PLD5: variants seen among roughly 807,000 people sequenced by gnomAD.
The protein encoded by PLD5 is phospholipase D family member 5.
PLD5 carries 36 observed loss-of-function variants against 61.1 expected under a neutral mutation model. That is an observed-to-expected ratio of 0.59 (90% CI 0.45 to 0.78). PLD5 has a LOEUF of 0.78. Ranked by LOEUF, PLD5 falls within the 30% of genes least tolerant of loss-of-function variation. PLD5 has a pLI of 0.00. For missense variants in PLD5, 515 were observed against 644.4 expected, an observed-to-expected ratio of 0.80 and a Z score of 2.17; for synonymous variants, 243 against 242.8, an observed-to-expected ratio of 1.00 and a Z score of -0.01.
intron 5 of PLD5, among the ~76,000 whole-genome samples, chr1:242,212,235 A>G (rs908323496): frequency 6.6e-6 from 1 of 152,220 alleles, no homozygotes; most frequent in East Asian, 1.9e-4. Flanking sequence ...GTAGATAGGA[A>G]AAAGGACAGG....
intron 2 of PLD5, among the ~76,000 whole-genome samples, chr1:242,296,345 T>C (rs1015285348): frequency 6.6e-6 from 1 of 152,260 alleles, no homozygotes; most frequent in Non-Finnish European, 1.5e-5. Context: ...ATGCTGCTGA[T>C]TGTTTCTTTT....
intron 4 of PLD5, among the ~76,000 whole-genome samples, chr1:242,255,979 C>T (rs2917440): frequency 1.3e-5 from 2 of 152,228 alleles, no homozygotes; most frequent in Non-Finnish European, 2.9e-5. Flanking sequence ...TTTGTGGGAT[C>T]GTAACCCAAA....
At chr1:242,168,576 G>A (rs891828650) in intron 5 of PLD5, among the ~76,000 whole-genome samples, 6 of 152,010 alleles carry the variant, frequency 3.9e-5, no homozygotes, top group Non-Finnish European at 8.8e-5. Flanking sequence ...AAGGTTTTGG[G>A]GCATTCATCT....
intron 1 of PLD5, among the ~76,000 whole-genome samples, chr1:242,437,066 G>A (rs898757614): frequency 2.0e-5 from 3 of 152,114 alleles, no homozygotes; most frequent in Non-Finnish European, 4.4e-5. Flanking sequence ...ATGTGATCTC[G>A]ATTAGTCACT....
At chr1:242,416,017 A>G (rs1186031782) in intron 1 of PLD5, among the ~76,000 whole-genome samples, 1 of 152,170 alleles carries the variant, frequency 6.6e-6, no homozygotes, top group Non-Finnish European at 1.5e-5. Flanking sequence ...GTATTATTAC[A>G]CTCAGAAGAA....
rs1659364186 is a variant in PLD5 at position 242,084,403 on chromosome 1, C to A, written c.*5451G>T. The stretch of plus-strand genomic sequence containing the variant: ...TTTCAGAGATAAGACTGCCTCAAAT[C>A]CAAATTACTTTAGTAAATCAACAAA... On this transcript the variant is annotated 3_prime_UTR_variant, in exon 10 of 10. Coordinates refer to ENST00000536534, the MANE Select transcript of PLD5 (RefSeq NM_001372062.1). 1 of 152,030 alleles carries A rather than the reference C, an allele frequency of 6.6e-6. No individual in the cohort carries two copies. The highest frequency in any genetic ancestry group is 1.5e-5 in the Non-Finnish European group (1 of 68,008). 9.4% of individuals were successfully genotyped at this position (152,030 alleles called of 1,614,324 possible).
intron 1 of PLD5, among the ~76,000 whole-genome samples, chr1:242,413,285 T>C (rs1664652425): frequency 6.6e-6 from 1 of 152,166 alleles, no homozygotes. Flanking sequence ...CATATTTTTC[T>C]AACCCTTTGT....
At chr1:242,172,527 C>T (rs1268504260) in intron 5 of PLD5, among the ~76,000 whole-genome samples, 2 of 152,046 alleles carry the variant, frequency 1.3e-5, no homozygotes, top group African/African-American at 4.8e-5. Flanking sequence ...TAACTAAGAT[C>T]AGAGTAGAAG....
rs561595174 is a variant in PLD5 at position 242,130,054 on chromosome 1, C to CT, written c.736-5390dup. On this transcript the variant is annotated intron_variant, in intron 5 of 9. Transcript: ENST00000536534. ...TATCCAATCATCTGTTGATGAACAT[C>CT]TTTTTTTTTTTTTTTGAGATGGAGT... 4.0e-3 allele frequency among the ~76,000 whole-genome samples: 573 copies of CT among 143,042 alleles called. 2 individuals carry two copies. Among genetic ancestry groups the CT allele is most frequent in the Middle Eastern group, 0.034 (9 of 268 alleles). The allele number at this position is 143,042 out of a possible 152,430, so 93.8% of individuals were successfully genotyped here.
chr1:242,515,119 C>T (rs963379656), intron 1 of PLD5, among the ~76,000 whole-genome samples: 1 of 152,178 alleles, frequency 6.6e-6, no homozygotes, highest in Non-Finnish European at 1.5e-5. Context: ...CCAGAAGCCT[C>T]CTTCGTGCCC....
chr1:242,222,246 T>C (rs933043778), intron 4 of PLD5, among the ~76,000 whole-genome samples: 2 of 152,306 alleles, frequency 1.3e-5, no homozygotes, highest in South Asian at 4.1e-4. Flanking sequence ...TCAAGTAAGG[T>C]CACAGTCTGC....
At chr1:242,151,260 T>C (rs1249716009) in intron 5 of PLD5, among the ~76,000 whole-genome samples, 1 of 152,028 alleles carries the variant, frequency 6.6e-6, no homozygotes, top group Admixed American at 6.6e-5. Context: ...CATTTTAACA[T>C]TCAAGCTTCT....
intron 5 of PLD5, among the ~76,000 whole-genome samples, chr1:242,207,991 TAC>T (rs34110062): frequency 0.013 from 537 of 40,250 alleles, 88 homozygotes; most frequent in African/African-American, 0.06. Flanking sequence ...TATATATTTA[TAC>T]ACACACACAC....
At chr1:242,199,436 GAA>G (rs1312350261) in intron 5 of PLD5, among the ~76,000 whole-genome samples, 1 of 152,036 alleles carries the variant, frequency 6.6e-6, no homozygotes, top group Non-Finnish European at 1.5e-5. Flanking sequence ...TGTATTTTTA[GAA>G]GAGATGGTGT....
intron 5 of PLD5, among the ~76,000 whole-genome samples, chr1:242,177,064 C>G (rs1667198753): frequency 6.6e-6 from 1 of 152,148 alleles, no homozygotes; most frequent in Non-Finnish European, 1.5e-5. Context: ...ACCCAACAAT[C>G]CCATTACTGG....
At chr1:242,237,562 C>T (rs1671720936) in intron 4 of PLD5, among the ~76,000 whole-genome samples, 1 of 152,146 alleles carries the variant, frequency 6.6e-6, no homozygotes, top group Admixed American at 6.6e-5. Flanking sequence ...CATGGTGGGC[C>T]ACTGGTGTGG....
Position 242,172,170 on chromosome 1 carries a change from TAAC to T in PLD5, c.736-47508_736-47506del, listed in dbSNP as rs577961627. On this transcript the variant is annotated intron_variant, in intron 5 of 9. Coordinates refer to ENST00000536534, the MANE Select transcript of PLD5 (RefSeq NM_001372062.1). ...AGCAAATGCAAAAGAATGGAAATCA[TAAC>T]AGTCTCTCAGACCACAGTGCAATCA... 1.3e-3 allele frequency among the ~76,000 whole-genome samples: 198 copies of T among 151,946 alleles called. 1 individual carries two copies. The Middle Eastern group carries it at 0.017, about 13-fold the overall frequency.
intron 1 of PLD5, among the ~76,000 whole-genome samples, chr1:242,359,207 T>C (rs978921496): frequency 6.6e-6 from 1 of 152,196 alleles, no homozygotes; most frequent in Admixed American, 6.5e-5. Context: ...GGCTGTGCCA[T>C]ATCCTCCTGT....
In PLD5 at chr1:242,086,217, C is replaced by T. The variant is rs1372518340; in HGVS notation, c.*3637G>A. Reference sequence around the variant, plus strand: ...AGACAAACAGTAGCACAGAGAGGGCCCGAATGGTGCCCAGAGTTACACAGG... The same window carrying T: ...AGACAAACAGTAGCACAGAGAGGGCTCGAATGGTGCCCAGAGTTACACAGG... On this transcript the variant is annotated 3_prime_UTR_variant, in exon 10 of 10. Coordinates refer to ENST00000536534, the MANE Select transcript of PLD5 (RefSeq NM_001372062.1). 2 of 152,176 alleles carry T rather than the reference C, an allele frequency of 1.3e-5. No individual in the cohort carries two copies. Among genetic ancestry groups the T allele is most frequent in the African/African-American group, 4.8e-5 (2 of 41,444 alleles). 9.4% of individuals were successfully genotyped at this position (152,176 alleles called of 1,614,324 possible).
Sources: allele counts gnomAD v4.1 joint callset (sites outside exome capture counted in the v4.1 genomes callset), GRCh38; gene constraint gnomAD v4.1.1; transcripts MANE v1.5; gene names NCBI Gene and HGNC (gene_info 2026-07-23, HGNC 2026-07-21).